PECR: variants seen among roughly 807,000 people sequenced by gnomAD.
PECR encodes 2,4-dienoyl-CoA reductase-related protein.
Under a neutral mutation model 35.3 loss-of-function variants are expected in PECR, and 30 were observed. The ratio of observed to expected loss-of-function variants is 0.85; its 90% CI spans 0.64 to 1.15. PECR has a LOEUF of 1.15. Among genes scored for constraint, PECR ranks in the 50% most tolerant of loss-of-function variants. The probability of loss-of-function intolerance (pLI) is 0.00; values close to 1 mark genes in which losing one functional copy is unlikely to be tolerated. For missense variants in PECR, 392 were observed against 370.8 expected (o/e 1.06, Z -0.47); for synonymous variants, 148 against 138.9 (o/e 1.07, Z -0.46).
At chr2:216,048,386 A>T (rs1204286069) in intron 6 of PECR, among the ~76,000 whole-genome samples, 2 of 10,678 alleles carry the variant, frequency 1.9e-4, no homozygotes, top group Admixed American at 1.0e-3. Context: ...TGTTTTCTTA[A>T]AAAAAAAAAA....
chr2:216,039,978 C>T (rs937841004), intron 7 of PECR, among the ~76,000 whole-genome samples: 3 of 152,134 alleles, frequency 2.0e-5, no homozygotes, highest in African/African-American at 4.8e-5. Flanking sequence ...CAAAGTCACT[C>T]CTCCAGCCCT....
At chr2:216,078,399 A>C (rs1695755397) in intron 1 of PECR, among the ~76,000 whole-genome samples, 1 of 152,048 alleles carries the variant, frequency 6.6e-6, no homozygotes, top group African/African-American at 2.4e-5. Context: ...TTGGGAGGTC[A>C]AGGGGGATGG....
chr2:216,075,659 C>T (rs188920424), intron 1 of PECR, among the ~76,000 whole-genome samples: 16 of 152,272 alleles, frequency 1.1e-4, no homozygotes, highest in Admixed American at 7.8e-4. Context: ...ATAGAAGTAG[C>T]TTGTGGATAA....
chr2:216,050,300 G>A (rs1430102897), intron 5 of PECR, among the ~76,000 whole-genome samples: 1 of 152,188 alleles, frequency 6.6e-6, no homozygotes, highest in Non-Finnish European at 1.5e-5. Context: ...ATGGAGAGAA[G>A]GGGCGGAAAG....
chr2:216,060,857 T>C (rs1695325413), intron 3 of PECR, among the ~76,000 whole-genome samples: 1 of 149,576 alleles, frequency 6.7e-6, no homozygotes, highest in Admixed American at 6.6e-5. Context: ...ATTCCATTCA[T>C]CAATAGTAAG....
At chr2:216,051,375 A>G in intron 5 of PECR, 74 bp downstream of exon 5, 1 of 877,684 alleles carries the variant, frequency 1.1e-6, no homozygotes. Flanking sequence ...ATTACCAAAT[A>G]CCTCTATCAA....
At chr2:216,069,228 A>G (rs1695537190) in intron 1 of PECR, among the ~76,000 whole-genome samples, 1 of 152,236 alleles carries the variant, frequency 6.6e-6, no homozygotes. Context: ...GATGCACATC[A>G]AGATCAGTGA....
intron 4 of PECR, among the ~76,000 whole-genome samples, chr2:216,058,218 C>G (rs979519896): frequency 1.3e-5 from 2 of 152,100 alleles, no homozygotes; most frequent in Non-Finnish European, 2.9e-5. Flanking sequence ...AACAACTTCT[C>G]CCAAGTGATG....
chr2:216,030,948 TCTCTCTCTCACACACACACA>T (rs1694676649), intron 7 of PECR, among the ~76,000 whole-genome samples: 1 of 97,334 alleles, frequency 1.0e-5, no homozygotes, highest in African/African-American at 4.1e-5. Flanking sequence ...TCTCTCTCTC[TCTCTCTCTCACACACACACA>T]CACACACACA....
downstream of PECR, among the ~76,000 whole-genome samples, chr2:216,037,701 C>T (rs1032346798): frequency 6.6e-6 from 1 of 152,064 alleles, no homozygotes; most frequent in Non-Finnish European, 1.5e-5. Flanking sequence ...TTAGCCTCTC[C>T]CTCGTGCTAG....
chr2:216,042,340 G>T (rs974050528), intron 7 of PECR, among the ~76,000 whole-genome samples: 9 of 152,188 alleles, frequency 5.9e-5, no homozygotes, highest in African/African-American at 1.9e-4. Context: ...GTTTTTGCTC[G>T]CCTCTCACAT....
intron 4 of PECR, among the ~76,000 whole-genome samples, chr2:216,056,884 T>C (rs996382119): frequency 1.3e-5 from 2 of 152,010 alleles, no homozygotes; most frequent in Non-Finnish European, 2.9e-5. Context: ...TGGTCCAAAG[T>C]GTGAAGGCCA....
intron 1 of PECR, among the ~76,000 whole-genome samples, chr2:216,078,544 C>T (rs1337130465): frequency 2.7e-5 from 4 of 149,216 alleles, no homozygotes; most frequent in African/African-American, 7.4e-5. Flanking sequence ...GCCGAGATTG[C>T]GCCACTGTAC....
In PECR at chr2:216,051,831, A is replaced by G. The variant is rs191569475; in HGVS notation, c.507-286T>C. On this transcript the variant is annotated intron_variant, in intron 4 of 7. Transcript: ENST00000265322. ...ATACTTTAAAGAACTTTGATTACAA[A>G]GGAAAACACATTGGTAATTTTAAGG... Among the ~76,000 whole-genome samples the G allele has an allele frequency of 1.3e-4, 20 of 152,358 alleles. No homozygotes were observed. In the East Asian group the frequency reaches 1.9e-3, roughly 15 times the overall value.
intron 3 of PECR, among the ~76,000 whole-genome samples, chr2:216,062,218 G>A (rs1695370250): frequency 6.6e-6 from 1 of 152,028 alleles, no homozygotes; most frequent in Admixed American, 6.6e-5. Context: ...GCTAATGTTT[G>A]TATTTTTAGT....
At chr2:216,067,692 G>T (rs1415469038) in intron 1 of PECR, among the ~76,000 whole-genome samples, 1 of 151,754 alleles carries the variant, frequency 6.6e-6, no homozygotes, top group Admixed American at 6.6e-5. Flanking sequence ...AAGTAGCTGC[G>T]ACTACAGGCG....
At chr2:216,037,704 C>T (rs56079662), downstream of PECR, among the ~76,000 whole-genome samples, 18,691 of 152,056 alleles carry the variant, frequency 0.12, 1,521 homozygotes, top group African/African-American at 0.24. Context: ...GCCTCTCCCT[C>T]GTGCTAGCCC....
intron 1 of PECR, among the ~76,000 whole-genome samples, chr2:216,075,350 C>T (rs1184359344): frequency 1.1e-4 from 16 of 152,116 alleles, no homozygotes; most frequent in Middle Eastern, 3.4e-3. Flanking sequence ...TACTGTGATC[C>T]CAATTTTGTA....
At chr2:216,066,638 T>A (rs1432354391) in intron 1 of PECR, 120 bp from the exon 2 acceptor site, 1 of 849,172 alleles carries the variant, frequency 1.2e-6, no homozygotes, top group African/African-American at 1.7e-5. Context: ...GTTGTCCAAA[T>A]TCCAACAATA....
Sources: allele counts gnomAD v4.1 joint callset (sites outside exome capture counted in the v4.1 genomes callset), GRCh38; gene constraint gnomAD v4.1.1; transcripts MANE v1.5; gene names NCBI Gene and HGNC (gene_info 2026-07-23, HGNC 2026-07-21).